The following MYCBP2 variants were observed in gnomAD, a reference collection of about 807,000 sequenced individuals.
The protein encoded by MYCBP2 is MYC binding protein 2, also known as E3 ubiquitin-protein ligase MYCBP2.
MYCBP2 carries 120 observed loss-of-function variants against 525.3 expected under a neutral mutation model. The observed-to-expected ratio is 0.23, with a 90% CI of 0.20 to 0.27. The LOEUF (loss-of-function observed/expected upper bound fraction) is 0.27. MYCBP2 is among the 10% of genes least tolerant of loss of function. The pLI is 1.00. For synonymous variants in MYCBP2, 1,894 were observed against 1,955.8 expected, an observed-to-expected ratio of 0.97 and a Z score of 0.83; for missense variants, 4,149 against 5,657.1, an observed-to-expected ratio of 0.73 and a Z score of 8.55.
At chr13:77,236,784 G>A (rs1186623237) in intron 17 of MYCBP2, among the ~76,000 whole-genome samples, 1 of 152,086 alleles carries the variant, frequency 6.6e-6, no homozygotes, top group Admixed American at 6.6e-5. Flanking sequence ...TACAGTCCTA[G>A]CTACTCGGGA....
intron 3 of MYCBP2, 89 bp from the exon 4 acceptor site, chr13:77,279,000 A>T (rs2075912919): frequency 2.4e-6 from 2 of 849,556 alleles, no homozygotes; most frequent in African/African-American, 3.5e-5. Context: ...TTACTTCCAC[A>T]GCAAATGATA....
chr13:77,175,689 G>A (rs889679347), intron 36 of MYCBP2, among the ~76,000 whole-genome samples: 4 of 152,044 alleles, frequency 2.6e-5, no homozygotes, highest in Admixed American at 6.6e-5. Context: ...GGCTGGGCGC[G>A]GTGGCTCACG....
chr13:77,112,561 G>T (rs1438319635), intron 55 of MYCBP2, among the ~76,000 whole-genome samples: 1 of 151,640 alleles, frequency 6.6e-6, no homozygotes, highest in Non-Finnish European at 1.5e-5. Context: ...AAGTAGCTAG[G>T]ATTACAGGTG....
rs887166095 is a variant in MYCBP2 at position 77,187,431 on chromosome 13, A to G, written c.4252-1368T>C. Among the ~76,000 whole-genome samples the G allele has an allele frequency of 9.0e-4, 137 of 152,234 alleles. 1 individual carries two copies. The highest frequency in any genetic ancestry group is 1.3e-3 in the Non-Finnish European group (86 of 68,026). ...AGGATATACCAAACTTTAAATGGGCATATTTCCAGTAGAAGTATGCACATA... is the reference window on the plus strand; with the variant it reads ...AGGATATACCAAACTTTAAATGGGCGTATTTCCAGTAGAAGTATGCACATA... On this transcript the variant is annotated intron_variant, in intron 30 of 82. Transcript: ENST00000544440.
At chr13:77,121,293 C>A (rs1026852316) in intron 55 of MYCBP2, 80 bp downstream of exon 55, 1 of 1,248,702 alleles carries the variant, frequency 8.0e-7, no homozygotes, top group African/African-American at 1.5e-5. Flanking sequence ...TGGGTGAACA[C>A]AAATAAAAAG....
At chr13:77,175,136 T>C (rs1449836091) in intron 36 of MYCBP2, among the ~76,000 whole-genome samples, 1 of 149,958 alleles carries the variant, frequency 6.7e-6, no homozygotes, top group Non-Finnish European at 1.5e-5. Flanking sequence ...CTGACTATAT[T>C]GCCCAGCCTA....
intron 52 of MYCBP2, among the ~76,000 whole-genome samples, chr13:77,135,815 T>C (rs1199537975): frequency 6.6e-6 from 1 of 152,108 alleles, no homozygotes; most frequent in Non-Finnish European, 1.5e-5. Flanking sequence ...CCTCCAATGG[T>C]AAACACATTG....
At chr13:77,067,963 T>C (rs1174738744) in intron 70 of MYCBP2, 99 bp from the exon 71 acceptor site, 4 of 1,268,432 alleles carry the variant, frequency 3.2e-6, no homozygotes, top group Non-Finnish European at 4.3e-6. Context: ...GGTCTTGCTT[T>C]GTTGCCCAGG....
chr13:77,080,398 A>C (rs1185744060), intron 65 of MYCBP2: 1 of 152,198 alleles, frequency 6.6e-6, no homozygotes, highest in African/African-American at 2.4e-5. Flanking sequence ...CTAGCAAGCC[A>C]CATCCATTCT....
intron 8 of MYCBP2, among the ~76,000 whole-genome samples, chr13:77,264,927 T>C (rs1358435272): frequency 6.6e-6 from 1 of 151,974 alleles, no homozygotes; most frequent in Non-Finnish European, 1.5e-5. Flanking sequence ...GATGAATCTC[T>C]CCATTAATCA....
chr13:77,170,728 C>T (rs1296749871), intron 38 of MYCBP2, among the ~76,000 whole-genome samples: 1 of 152,048 alleles, frequency 6.6e-6, no homozygotes, highest in Non-Finnish European at 1.5e-5. Flanking sequence ...AGGCACCTGC[C>T]ACCACGCCTG....
At chr13:77,071,271 GCACACACACACACACACACACACA>G (rs71814048) in intron 68 of MYCBP2, among the ~76,000 whole-genome samples, 2 of 142,656 alleles carry the variant, frequency 1.4e-5, no homozygotes, top group East Asian at 2.1e-4. Context: ...GTGTGCACAC[GCACACACACACACACACACACACA>G]CACACACACA....
chr13:77,266,922 T>C (rs2074191837), intron 8 of MYCBP2, among the ~76,000 whole-genome samples: 1 of 151,998 alleles, frequency 6.6e-6, no homozygotes, highest in South Asian at 2.1e-4. Flanking sequence ...TATGTATATG[T>C]AGTAAGGTTC....
At chr13:77,177,676 C>G in intron 35 of MYCBP2, 72 bp downstream of exon 35, 1 of 1,261,022 alleles carries the variant, frequency 7.9e-7, no homozygotes, top group Non-Finnish European at 1.1e-6. Flanking sequence ...AACCCCTGAA[C>G]ATACTATGAC....
rs533990427 is a variant in MYCBP2 at position 77,195,630 on chromosome 13, C to A, written c.3844-1386G>T. 4.2e-4 allele frequency among the ~76,000 whole-genome samples: 64 copies of A among 152,206 alleles called. 2 individuals are homozygous for A. In the Middle Eastern group the frequency reaches 0.01, roughly 24 times the overall value. Reference sequence around the variant, plus strand: ...CCGAAATAATCATTTTTCCATATTTCTCTGCCATTACTGTATCTATTCTCT... The same window carrying A: ...CCGAAATAATCATTTTTCCATATTTATCTGCCATTACTGTATCTATTCTCT... On this transcript the variant is annotated intron_variant, in intron 26 of 82. Transcript: ENST00000544440.
At chr13:77,213,828 C>T (rs2064390664) in intron 21 of MYCBP2, among the ~76,000 whole-genome samples, 1 of 152,182 alleles carries the variant, frequency 6.6e-6, no homozygotes, top group South Asian at 2.1e-4. Context: ...CTATATGTGA[C>T]TCAAACCTTC....
At chr13:77,079,882 C>A (rs1353464644) in intron 65 of MYCBP2, among the ~76,000 whole-genome samples, 1 of 152,018 alleles carries the variant, frequency 6.6e-6, no homozygotes, top group Non-Finnish European at 1.5e-5. Flanking sequence ...ATAGAGGAAG[C>A]CTGTTAAAAG....
At position 77,211,185 on chromosome 13, in the gene MYCBP2, A is replaced by G; in HGVS notation, c.3398T>C (p.Val1133Ala). 1 of 1,488,438 alleles carries G rather than the reference A, an allele frequency of 6.7e-7. No individual in the cohort carries two copies. Among genetic ancestry groups the G allele is most frequent in the South Asian group, 1.5e-5 (1 of 67,764 alleles). The allele number at this position is 1,488,438 out of a possible 1,614,324, so 92.2% of individuals were successfully genotyped here. ...TGCTTACCTCCAAATTACATCATAT[A>G]CAGGATCAAGACACACACCAAATCC... ...LQGFGVCLDP[V>A]YDVIWRFRPN... The change falls in exon 23 of 83, where the codon GTA becomes GCA. Residue 1133 changes from valine to alanine, a missense_variant. Transcript: ENST00000544440.
chr13:77,160,968 A>T (rs891498856), intron 44 of MYCBP2, among the ~76,000 whole-genome samples: 30 of 152,322 alleles, frequency 2.0e-4, no homozygotes, highest in Admixed American at 1.3e-3. Context: ...AAATTTTACA[A>T]ATCTATCACA....
Sources: gnomAD v4.1 joint callset for allele counts (sites outside exome capture counted in the v4.1 genomes callset) on GRCh38, gnomAD v4.1.1 for gene constraint, MANE v1.5 for transcripts, NCBI Gene and HGNC (gene_info 2026-07-23, HGNC 2026-07-21) for gene names.